The following GATA3 variants were observed in gnomAD, a reference collection of about 807,000 sequenced individuals.
GATA3 encodes the protein trans-acting T-cell-specific transcription factor GATA-3.
A neutral mutation model predicts 36.0 loss-of-function variants in GATA3; 6 were observed. The observed-to-expected ratio is 0.17, with a 90% CI of 0.09 to 0.33. The LOEUF (loss-of-function observed/expected upper bound fraction) is 0.33. Ranked by LOEUF, GATA3 falls within the 10% of genes least tolerant of loss-of-function variation. The pLI is 1.00. For missense variants in GATA3, 514 were observed against 610.1 expected (o/e 0.84, Z 1.66); for synonymous variants, 326 against 273.0 (o/e 1.19, Z -1.92).
chr10:8,051,929 C>G (rs1490011315), upstream of GATA3, among the ~76,000 whole-genome samples: 1 of 152,156 alleles, frequency 6.6e-6, no homozygotes, highest in African/African-American at 2.4e-5. Flanking sequence ...CCGTGGGTCC[C>G]GAGGCCGACC....
At position 8,058,548 on chromosome 10, in the gene GATA3, C is replaced by T; in HGVS notation, c.485C>T (p.Ser162Phe). The T allele has an allele frequency of 1.2e-6, 2 of 1,612,384 alleles. No homozygotes were observed. Among genetic ancestry groups the T allele is most frequent in the Non-Finnish European group, 1.7e-6 (2 of 1,179,860 alleles). The change falls in exon 3 of 6, where the codon TCC becomes TTC. Residue 162 changes from serine to phenylalanine, a missense_variant. Around this residue, in one of 3 missense-constraint regions of GATA3, gnomAD observed 381 missense variants for 354.3 expected, o/e 1.08. Coordinates refer to ENST00000379328, the MANE Select transcript of GATA3 (RefSeq NM_001002295.2). ...TFPPTPPKDV[S>F]PDPSLSTPGS... ...CCGCCCACCCCGCCGAAGGACGTCT[C>T]CCCGGACCCATCGCTGTCCACCCCA... is the stretch of plus-strand genomic sequence containing the variant.
At chr10:8,066,061 T>G (rs554276047) in intron 4 of GATA3, among the ~76,000 whole-genome samples, 2 of 111,746 alleles carry the variant, frequency 1.8e-5, no homozygotes, top group South Asian at 3.6e-4. Flanking sequence ...TTATAGTTGT[T>G]TTTTTTGTTT....
chr10:8,069,867 G>A (rs566744210), intron 5 of GATA3, among the ~76,000 whole-genome samples: 2 of 151,016 alleles, frequency 1.3e-5, no homozygotes, highest in East Asian at 3.9e-4. Flanking sequence ...TGTGCTGAGT[G>A]GGCCTGTGTG....
chr10:8,051,287 ACGC>A, upstream of GATA3: 1 of 297,774 alleles, frequency 3.4e-6, no homozygotes, highest in Non-Finnish European at 7.2e-6. Flanking sequence ...GCTCAACTTG[ACGC>A]CTAAAGCAGC....
At chr10:8,051,134 GTCTCTTCGCCCCTGGGA>G, upstream of GATA3, 8 of 505,294 alleles carry the variant, frequency 1.6e-5, no homozygotes, top group South Asian at 2.9e-5. Flanking sequence ...CTGGGACAGG[GTCTCTTCGCCCCTGGGA>G]GGGCGGGTGG....
rs55812883 is a variant in GATA3 at position 8,064,828 on chromosome 10, C to T, written c.924+690C>T. 9.4e-3 allele frequency among the ~76,000 whole-genome samples: 1,434 copies of T among 152,362 alleles called. 28 individuals carry two copies. Among genetic ancestry groups the T allele is most frequent in the African/African-American group, 0.033 (1,366 of 41,586 alleles). On this transcript the variant is annotated intron_variant, in intron 4 of 5. Transcript: ENST00000379328. ...TTGGTCTTCTTTTCTCTTTGAACTA[C>T]TACCAGTAAGGTGATAGTTTTTTCT...
At chr10:8,053,983 T>A (rs556436628), upstream of GATA3, among the ~76,000 whole-genome samples, 178 of 152,228 alleles carry the variant, frequency 1.2e-3, no homozygotes, top group Non-Finnish European at 2.1e-3. The surrounding 1 kb of genome is among the most constrained non-coding windows in gnomAD (Gnocchi z 5.1). Context: ...AAAGGGCAGC[T>A]GCAACAGCTG....
chr10:8,046,548 G>A (rs66655691), intron 1 of GATA3, among the ~76,000 whole-genome samples: 7 of 152,010 alleles, frequency 4.6e-5, no homozygotes, highest in Admixed American at 1.3e-4. Context: ...CTGCCGAGAA[G>A]GTAGTGGTAG....
intron 2 of GATA3, among the ~76,000 whole-genome samples, chr10:8,056,162 G>A (rs1454566604): frequency 1.3e-5 from 2 of 152,106 alleles, no homozygotes; most frequent in Admixed American, 6.5e-5. Flanking sequence ...GCGCCAGGCC[G>A]CAGCCCTCCG....
chr10:8,054,632 C>G (rs995496890), upstream of GATA3: 53 of 152,268 alleles, frequency 3.5e-4, no homozygotes, highest in African/African-American at 1.3e-3. The surrounding 1 kb of genome is among the most constrained non-coding windows in gnomAD (Gnocchi z 4.2). Context: ...GCTCCTCCCC[C>G]CCGGCGCGGA....
chr10:8,054,036 G>GA (rs1832568118), upstream of GATA3, among the ~76,000 whole-genome samples: 1 of 152,154 alleles, frequency 6.6e-6, no homozygotes, highest in African/African-American at 2.4e-5. The surrounding 1 kb of genome is among the most constrained non-coding windows in gnomAD (Gnocchi z 4.2). Context: ...GAAGGCTCGG[G>GA]AAAGAGGTGA....
chr10:8,066,442 CTTTCTTTCT>C lies in GATA3; in HGVS notation c.924+2308_924+2316del, dbSNP rs777851524. On this transcript the variant is annotated intron_variant, in intron 4 of 5. Transcript: ENST00000379328. ...CACTCAGATTTCTTTTTCTTTCTTTCTTTCTTTCTTTTTTTTTTTTAGCCCTGAGATGTA... is the reference window on the plus strand; with the variant it reads ...CACTCAGATTTCTTTTTCTTTCTTTCTTTTTTTTTTTAGCCCTGAGATGTA... 3.1e-3 allele frequency among the ~76,000 whole-genome samples: 461 copies of C among 147,384 alleles called. 1 individual carries two copies. The highest frequency in any genetic ancestry group is 4.5e-3 in the Non-Finnish European group (297 of 66,550).
intron 1 of GATA3, among the ~76,000 whole-genome samples, chr10:8,046,137 C>T (rs1271990739): frequency 6.6e-6 from 1 of 152,130 alleles, no homozygotes; most frequent in Admixed American, 6.6e-5. Context: ...CAGGGGCATC[C>T]GAAGCGGAAG....
At chr10:8,052,012 G>A (rs1388462468), upstream of GATA3, among the ~76,000 whole-genome samples, 1 of 152,180 alleles carries the variant, frequency 6.6e-6, no homozygotes, top group Admixed American at 6.5e-5. Context: ...GGGCTCCGGG[G>A]CTGGGCCCGT....
At position 8,058,588 on chromosome 10, in the gene GATA3, G is replaced by A. The variant is rs764256467; in HGVS notation, c.525G>A (p.Ser175=). 3.7e-6 allele frequency: 6 copies of A among 1,611,656 alleles called. No homozygotes were observed. The highest frequency in any genetic ancestry group is 3.3e-5 in the South Asian group (3 of 91,078). Reference sequence around the variant, plus strand: ...TGTCCACCCCAGGCTCGGCCGGCTCGGCCCGGCAGGACGAGAAAGAGTGCC... The same window carrying A: ...TGTCCACCCCAGGCTCGGCCGGCTCAGCCCGGCAGGACGAGAAAGAGTGCC... The part of the protein sequence containing the change: ...PSLSTPGSAG[S]ARQDEKECLK... The change falls in exon 3 of 6, where the codon TCG becomes TCA. Residue 175 remains serine (S), a synonymous_variant. Transcript: ENST00000379328.
At chr10:8,069,382 C>CTT (rs35348503) in intron 4 of GATA3, 91 bp from the exon 5 acceptor site, 954 of 1,055,774 alleles carry the variant, frequency 9.0e-4, no homozygotes, top group Non-Finnish European at 1.1e-3. Context: ...TTCTTCCTTC[C>CTT]TTTTTTTTTT....
chr10:8,067,713 G>T (rs1165783349), intron 4 of GATA3, among the ~76,000 whole-genome samples: 1 of 152,228 alleles, frequency 6.6e-6, no homozygotes, highest in African/African-American at 2.4e-5. Flanking sequence ...AGCTACTTGG[G>T]AGGCTGAGGC....
chr10:8,046,989 C>T (rs1293236959), intron 1 of GATA3, among the ~76,000 whole-genome samples: 2 of 152,186 alleles, frequency 1.3e-5, no homozygotes, highest in Non-Finnish European at 2.9e-5. Flanking sequence ...GAGATCTCTG[C>T]CAGCCCCAGC....
intron 2 of GATA3, among the ~76,000 whole-genome samples, chr10:8,056,180 G>C (rs1327631407): frequency 6.6e-6 from 1 of 152,132 alleles, no homozygotes; most frequent in Non-Finnish European, 1.5e-5. Flanking sequence ...CCGTCTCTGC[G>C]CGGCTGCAGG....
Sources: allele counts gnomAD v4.1 joint callset (sites outside exome capture counted in the v4.1 genomes callset), GRCh38; gene constraint gnomAD v4.1.1; regional missense constraint gnomAD v4.1.1; non-coding constraint Gnocchi (gnomAD v3.1); transcripts MANE v1.5; gene names NCBI Gene and HGNC (gene_info 2026-07-23, HGNC 2026-07-21).